The following C3orf70 variants were observed in gnomAD, a reference collection of about 807,000 sequenced individuals.
C3orf70 encodes the protein chromosome 3 open reading frame 70.
A neutral mutation model predicts 20.7 loss-of-function variants in C3orf70; 15 were observed. The observed-to-expected ratio is 0.72, with a 90% CI of 0.48 to 1.11. C3orf70 has a LOEUF of 1.11. C3orf70 is among the 50% of genes most tolerant of loss of function. The probability of loss-of-function intolerance (pLI) is 0.00; values close to 1 mark genes in which losing one functional copy is unlikely to be tolerated. For missense variants in C3orf70, 332 were observed against 317.6 expected (o/e 1.05, Z -0.34); for synonymous variants, 161 against 125.7 (o/e 1.28, Z -1.88).
rs1715212474 is a variant in C3orf70, at chr3:185,077,197, T to C, written c.*5810A>G. Among the ~76,000 whole-genome samples the C allele has an allele frequency of 1.3e-5, 2 of 152,124 alleles. No homozygotes were observed. The highest frequency in any genetic ancestry group is 4.8e-5 in the African/African-American group (2 of 41,402). The stretch of plus-strand genomic sequence containing the variant: ...GAGGGAAGCCTGTCAGTGTTTCTCC[T>C]CCACTGTGTTGGGACCAGGTGCACT... On this transcript the variant is annotated 3_prime_UTR_variant, in exon 2 of 2. Transcript: ENST00000335012.
chr3:185,099,440 C>A (rs761393021), intron 1 of C3orf70, among the ~76,000 whole-genome samples: 10 of 152,094 alleles, frequency 6.6e-5, no homozygotes, highest in Non-Finnish European at 1.5e-4. Flanking sequence ...AAGAAAAATT[C>A]CAACACAGAA....
At position 185,082,320 on chromosome 3, in the gene C3orf70, TGCTCA is replaced by T. The variant is rs1455123587; in HGVS notation, c.*682_*686del. The T allele has an allele frequency of 5.3e-5, 8 of 152,342 alleles. No individual in the cohort carries two copies. 9.4% of individuals were successfully genotyped at this position (152,342 alleles called of 1,614,324 possible). On this transcript the variant is annotated 3_prime_UTR_variant, in exon 2 of 2. Coordinates refer to ENST00000335012, the MANE Select transcript of C3orf70 (RefSeq NM_001025266.3). ...CCCACAGCCCCCTGCAGGGGACAGG[TGCTCA>T]GCTAAGGCTGGATTGAGCATGAGAC...
chr3:185,105,516 A>C (rs971907214), intron 1 of C3orf70, among the ~76,000 whole-genome samples: 4 of 152,234 alleles, frequency 2.6e-5, no homozygotes, highest in African/African-American at 9.6e-5. Context: ...ACTTTCAGTT[A>C]AGTTAATATC....
At position 185,083,495 on chromosome 3, in the gene C3orf70, G is replaced by C; in HGVS notation, c.265C>G (p.Arg89Gly). The change falls in exon 2 of 2, where the codon CGG becomes GGG. Residue 89 changes from arginine to glycine, a missense_variant. Coordinates refer to ENST00000335012, the MANE Select transcript of C3orf70 (RefSeq NM_001025266.3). ...ATCTGAATGGTGTTTGTGGGTTCCC[G>C]AGGCCTGGCAGGAATCTCAGTGCTT... is the stretch of plus-strand genomic sequence containing the variant. ...LPSTEIPARP[R>G]EPTNTIQISV... The C allele has an allele frequency of 1.2e-6, 2 of 1,613,688 alleles. No homozygotes were observed. Among genetic ancestry groups the C allele is most frequent in the Non-Finnish European group, 1.7e-6 (2 of 1,179,924 alleles).
chr3:185,091,943 ATATATATATATATATATATATTT>A (rs1561330863), intron 1 of C3orf70, among the ~76,000 whole-genome samples: 972 of 7,994 alleles, frequency 0.12, 101 homozygotes, highest in African/African-American at 0.28. Context: ...ATATATATAT[ATATATATATATATATATATATTT>A]TTTTTTTTTT....
intron 1 of C3orf70, among the ~76,000 whole-genome samples, chr3:185,134,371 C>G (rs961473549): frequency 6.6e-6 from 1 of 152,086 alleles, no homozygotes; most frequent in South Asian, 2.1e-4. Context: ...TAGCTAAATA[C>G]CTTAGACATT....
At chr3:185,118,519 T>C (rs73887808) in intron 1 of C3orf70, among the ~76,000 whole-genome samples, 7,885 of 152,234 alleles carry the variant, frequency 0.052, 658 homozygotes, top group African/African-American at 0.18. Flanking sequence ...GGGTACTCAG[T>C]AAATGCCTGA....
intron 1 of C3orf70, among the ~76,000 whole-genome samples, chr3:185,111,710 T>C (rs1233946334): frequency 1.4e-4 from 21 of 152,156 alleles, no homozygotes; most frequent in Non-Finnish European, 3.1e-4. Context: ...GCCACACTGA[T>C]TGGTGAAGGT....
intron 1 of C3orf70, among the ~76,000 whole-genome samples, chr3:185,129,572 A>C (rs1716487364): frequency 6.6e-6 from 1 of 152,082 alleles, no homozygotes; most frequent in Non-Finnish European, 1.5e-5. Flanking sequence ...TTGGGTATAT[A>C]CCCAATGGTG....
intron 1 of C3orf70, among the ~76,000 whole-genome samples, chr3:185,124,867 T>C (rs916032971): frequency 3.9e-5 from 6 of 152,174 alleles, no homozygotes; most frequent in Admixed American, 3.3e-4. Flanking sequence ...AACAGATATT[T>C]CACCAAAGAT....
chr3:185,152,477 G>GCCCGGAGCCCACGGCGGC, intron 1 of C3orf70, 151 bp downstream of exon 1: 1 of 509,248 alleles, frequency 2.0e-6, no homozygotes, highest in Non-Finnish European at 3.2e-6. Flanking sequence ...GCTCCGGCGG[G>GCCCGGAGCCCACGGCGGC]CCCGGAGCCC....
chr3:185,113,445 G>C (rs1243605015), intron 1 of C3orf70, among the ~76,000 whole-genome samples: 1 of 152,186 alleles, frequency 6.6e-6, no homozygotes, highest in Non-Finnish European at 1.5e-5. Flanking sequence ...GAACATGGCT[G>C]AAAGTAAGTG....
At position 185,113,479 on chromosome 3, in the gene C3orf70, G is replaced by GT. The variant is rs554081624; in HGVS notation, c.197-29917dup. On this transcript the variant is annotated intron_variant, in intron 1 of 1. Transcript: ENST00000335012. ...TGTCTGGATTCCTGCCTCACCTGAGGTTTATTCAGGAAGAAAAAGTCAGGA... is the reference window on the plus strand; with the variant it reads ...TGTCTGGATTCCTGCCTCACCTGAGGTTTTATTCAGGAAGAAAAAGTCAGGA... 1.2e-3 allele frequency among the ~76,000 whole-genome samples: 189 copies of GT among 152,174 alleles called. 1 individual carries two copies. Among genetic ancestry groups the GT allele is most frequent in the African/African-American group, 4.2e-3 (175 of 41,522 alleles).
chr3:185,117,061 G>A (rs566324392), intron 1 of C3orf70, among the ~76,000 whole-genome samples: 2 of 152,258 alleles, frequency 1.3e-5, no homozygotes, highest in Admixed American at 6.5e-5. Context: ...GATTACAGGC[G>A]TGAGCCACCG....
chr3:185,143,180 T>A (rs559216039), intron 1 of C3orf70, among the ~76,000 whole-genome samples: 8 of 152,282 alleles, frequency 5.3e-5, no homozygotes, highest in African/African-American at 1.9e-4. Context: ...TCTCTTTTTT[T>A]GGCATACCGA....
At chr3:185,118,749 C>T (rs550768655) in intron 1 of C3orf70, among the ~76,000 whole-genome samples, 1 of 152,164 alleles carries the variant, frequency 6.6e-6, no homozygotes, top group South Asian at 2.1e-4. Context: ...TATCAGAACA[C>T]TAAATAAAAA....
chr3:185,089,473 T>C (rs1006974520), intron 1 of C3orf70, among the ~76,000 whole-genome samples: 1 of 152,204 alleles, frequency 6.6e-6, no homozygotes, highest in African/African-American at 2.4e-5. Context: ...CAGCCATTTC[T>C]CCAAGGAGCC....
Position 185,079,538 on chromosome 3 carries a change from C to T in C3orf70, c.*3469G>A, listed in dbSNP as rs1360802648. On this transcript the variant is annotated 3_prime_UTR_variant, in exon 2 of 2. Transcript: ENST00000335012. ...AAAGACCTAGATGTGATAGTAAACCCTTATTTTTTAATATACCAAACAGTT... is the reference window on the plus strand; with the variant it reads ...AAAGACCTAGATGTGATAGTAAACCTTTATTTTTTAATATACCAAACAGTT... 1 of 152,058 alleles carries T rather than the reference C, an allele frequency of 6.6e-6. No homozygotes were observed. The highest frequency in any genetic ancestry group is 1.9e-4 in the East Asian group (1 of 5,190). The allele number at this position is 152,058 out of a possible 1,614,324, so 9.4% of individuals were successfully genotyped here.
intron 1 of C3orf70, among the ~76,000 whole-genome samples, chr3:185,142,509 T>G (rs1205013964): frequency 6.6e-6 from 1 of 152,198 alleles, no homozygotes; most frequent in East Asian, 1.9e-4. Flanking sequence ...TTATAAAAGA[T>G]GTCATCAAAT....
Sources: gnomAD v4.1 joint callset for allele counts (sites outside exome capture counted in the v4.1 genomes callset) on GRCh38, gnomAD v4.1.1 for gene constraint, MANE v1.5 for transcripts, NCBI Gene and HGNC (gene_info 2026-07-23, HGNC 2026-07-21) for gene names.